The following MUC6 variants were observed in gnomAD, a reference collection of about 807,000 sequenced individuals.
MUC6 encodes mucin-6.
In MUC6, 188 loss-of-function variants were observed where a neutral mutation model predicts 201.5. The ratio of observed to expected loss-of-function variants is 0.93; its 90% confidence interval spans 0.83 to 1.05. The LOEUF is 1.05. MUC6 is among the 50% of genes least tolerant of loss of function. The pLI is 0.00. For synonymous variants in MUC6, 1,228 were observed against 1,389.4 expected (o/e 0.88, Z 2.58); for missense variants, 2,706 against 3,256.9 (o/e 0.83, Z 4.12).
At chr11:1,032,982 G>A (rs1438365941) in intron 2 of MUC6, 31 bp downstream of exon 2, 2 of 1,560,414 alleles carry the variant, frequency 1.3e-6, no homozygotes, top group Admixed American at 3.5e-5. Flanking sequence ...GGTGGTCTGG[G>A]CGGCAGGATC....
intron 4 of MUC6, 43 bp downstream of exon 4, chr11:1,031,564 G>GTGC (rs1564845103): frequency 6.5e-6 from 10 of 1,536,904 alleles, no homozygotes; most frequent in South Asian, 2.4e-5. Flanking sequence ...CTGCCCCCCC[G>GTGC]TGCTGCGGGT....
chr11:1,013,303 C>T lies in MUC6; in HGVS notation c.*153G>A, dbSNP rs541967369. ...CCCTGCTTGGCAGCCCCTCTCCAAC[C>T]GGTGCCCCAGGGAGCCACGGCCCAG... On this transcript the variant is annotated 3_prime_UTR_variant, in exon 33 of 33. Coordinates refer to ENST00000421673, the MANE Select transcript of MUC6 (RefSeq NM_005961.3). 87 of 729,424 alleles carry T rather than the reference C, an allele frequency of 1.2e-4. No individual in the cohort carries two copies. Among genetic ancestry groups the T allele is most frequent in the African/African-American group, 5.4e-4 (30 of 55,978 alleles). The allele number at this position is 729,424 out of a possible 1,614,324, so 45.2% of individuals were successfully genotyped here.
At position 1,015,660 on chromosome 11, in the gene MUC6, C is replaced by T. The variant is rs527777953; in HGVS notation, c.7039+102G>A. ...GAAGGCAGGGAACAGGCGTGTGGTCCTGGGATCACAGGACCATGAGGGGTA... is the reference window on the plus strand; with the variant it reads ...GAAGGCAGGGAACAGGCGTGTGGTCTTGGGATCACAGGACCATGAGGGGTA... On this transcript the variant is annotated intron_variant, in intron 31 of 32. Transcript: ENST00000421673. 46 of 1,471,806 alleles carry T rather than the reference C, an allele frequency of 3.1e-5. No individual in the cohort carries two copies. The African/African-American group carries it at 5.9e-4, about 19-fold the overall frequency. 91.2% of individuals were successfully genotyped at this position (1,471,806 alleles called of 1,614,324 possible).
chr11:1,031,406 A>G, intron 4 of MUC6, 147 bp from the exon 5 acceptor site: 1 of 1,166,858 alleles, frequency 8.6e-7, no homozygotes, highest in Non-Finnish European at 1.2e-6. Context: ...CTAATTTTCC[A>G]GTGGAGAAGC....
chr11:1,029,317 G>C lies in MUC6; in HGVS notation c.1186C>G (p.His396Asp), dbSNP rs769103700. ...WVCTERPCPG[H>D]CSLEGGSFVT... ...AAGGAGCCACCTTCCAGGGAGCAGTGTCCGGGGCACGGCCGCTCCGTGCAC... is the reference window on the plus strand; with the variant it reads ...AAGGAGCCACCTTCCAGGGAGCAGTCTCCGGGGCACGGCCGCTCCGTGCAC... The change falls in exon 10 of 33, where the codon CAC (histidine) becomes GAC (aspartate). Residue 396 changes from histidine (H) to aspartate (D), a missense_variant. By Grantham distance (81) the His-to-Asp change is moderately conservative. Coordinates refer to ENST00000421673, the MANE Select transcript of MUC6 (RefSeq NM_005961.3). 1.1e-5 allele frequency: 17 copies of C among 1,605,958 alleles called. No homozygotes were observed. Among genetic ancestry groups the C allele is most frequent in the Non-Finnish European group, 1.4e-5 (16 of 1,177,332 alleles).
intron 1 of MUC6, among the ~76,000 whole-genome samples, chr11:1,036,044 C>T (rs868827758): frequency 1.1e-4 from 17 of 152,184 alleles, no homozygotes; most frequent in African/African-American, 3.9e-4. Context: ...TAGGGGAGCG[C>T]GGGGGAGAGG....
Position 1,013,036 on chromosome 11 carries a change from A to G in MUC6, c.*420T>C, listed in dbSNP as rs548405456. 1 of 179,886 alleles carries G rather than the reference A, an allele frequency of 5.6e-6. No homozygotes were observed. The highest frequency in any genetic ancestry group is 1.6e-4 in the South Asian group (1 of 6,322). 11.1% of individuals were successfully genotyped at this position (179,886 alleles called of 1,614,324 possible). A position where few individuals can be genotyped will look rare whatever the true frequency, so the allele number is the denominator to read the frequency against. Reference sequence around the variant, plus strand: ...GTGGCTGCCTGGGCCTCTTGCCCCCATCTCGGCACAGGTTTCCGTGCCCTC... The same window carrying G: ...GTGGCTGCCTGGGCCTCTTGCCCCCGTCTCGGCACAGGTTTCCGTGCCCTC... On this transcript the variant is annotated 3_prime_UTR_variant, in exon 33 of 33. Transcript: ENST00000421673.
At position 1,030,774 on chromosome 11, in the gene MUC6, T is replaced by C. The variant is rs2133835035; in HGVS notation, c.691A>G (p.Ile231Val). The change falls in exon 7 of 33, where the codon ATC becomes GTC. Residue 231 changes from isoleucine (I) to valine (V), a missense_variant. By Grantham distance (29) the Ile-to-Val change is conservative. This residue lies in a region of MUC6 where 1,850 missense variants were observed against 1,958.3 expected (regional missense o/e 0.94). Transcript: ENST00000421673. ...THVRQAQHAR[I>V]CTQLLTLVAP... ...ACCAGGGTCAGCAGCTGGGTGCAGA[T>C]CCGGGCCTGGGGGGGCCACTCAGGG... The C allele has an allele frequency of 6.5e-7, 1 of 1,537,016 alleles. No homozygotes were observed. The highest frequency in any genetic ancestry group is 8.7e-7 in the Non-Finnish European group (1 of 1,146,822).
Position 1,031,665 on chromosome 11 carries a change from A to T in MUC6, c.425T>A (p.Val142Glu), listed in dbSNP as rs1050989733. The change falls in exon 4 of 33, where the codon GTG (valine) becomes GAG (glutamate). Residue 142 changes from valine to glutamate, a missense_variant. Val to Glu is a moderately radical substitution (Grantham distance 121). Transcript: ENST00000421673. ...ITPFGQSVRL[V>E]AKQLELELEV... The stretch of plus-strand genomic sequence containing the variant: ...CAGCTCCAGCTCCAGCTGCTTGGCC[A>T]CCAGCCGCACGCTCTGGCCGAAGGG... 2.6e-6 allele frequency: 4 copies of T among 1,550,538 alleles called. No homozygotes were observed. The African/African-American group carries it at 5.5e-5, about 21-fold the overall frequency.
chr11:1,032,260 G>T (rs1179494051), intron 2 of MUC6, among the ~76,000 whole-genome samples: 1 of 152,204 alleles, frequency 6.6e-6, no homozygotes, highest in African/African-American at 2.4e-5. Context: ...GTGCACACAC[G>T]TGTGTGTGGG....
chr11:1,023,773 G>T, intron 25 of MUC6, 121 bp from the exon 26 acceptor site: 1 of 1,473,448 alleles, frequency 6.8e-7, no homozygotes, highest in Non-Finnish European at 9.1e-7. Context: ...GGCCCTCTTG[G>T]TGAAGCCTCC....
At chr11:1,034,627 C>T (rs1707507547) in intron 1 of MUC6, among the ~76,000 whole-genome samples, 2 of 152,216 alleles carry the variant, frequency 1.3e-5, no homozygotes, top group South Asian at 4.1e-4. Context: ...TGCCCCTGGG[C>T]CAGCACCTCT....
rs193204428 is a variant in MUC6, at chr11:1,013,781, C to A, written c.7142+118G>T. ...CCAGGGCGGTGTTGGGCAGATGGAG[C>A]GCAGAGTGGCTCACCTGATGGGGCA... On this transcript the variant is annotated intron_variant, in intron 32 of 32. Coordinates refer to ENST00000421673, the MANE Select transcript of MUC6 (RefSeq NM_005961.3). 124 of 1,382,028 alleles carry A rather than the reference C, an allele frequency of 9.0e-5. 1 individual carries two copies. In the African/African-American group the frequency reaches 1.7e-3, roughly 18 times the overall value. The allele number at this position is 1,382,028 out of a possible 1,614,324, so 85.6% of individuals were successfully genotyped here. A position where few individuals can be genotyped will look rare whatever the true frequency, so the allele number is the denominator to read the frequency against.
intron 29 of MUC6, among the ~76,000 whole-genome samples, chr11:1,019,726 C>T (rs998063016): frequency 2.6e-5 from 4 of 152,166 alleles, no homozygotes; most frequent in African/African-American, 4.8e-5. Context: ...GCTGCTCCTG[C>T]GCCCACCCTT....
chr11:1,020,523 G>C (rs1856782919), intron 28 of MUC6, among the ~76,000 whole-genome samples, 161 bp downstream of exon 28: 1 of 152,166 alleles, frequency 6.6e-6, no homozygotes, highest in Admixed American at 6.5e-5. Context: ...CTGGCTGTGG[G>C]CTGAGCTCCT....
chr11:1,020,042 G>A (rs1856772137), intron 29 of MUC6, 48 bp downstream of exon 29: 1 of 1,595,152 alleles, frequency 6.3e-7, no homozygotes, highest in East Asian at 2.3e-5. Flanking sequence ...GTGTACCTAG[G>A]ACCTCCTGCA....
At chr11:1,035,860 G>A (rs1857204084) in intron 1 of MUC6, among the ~76,000 whole-genome samples, 1 of 152,134 alleles carries the variant, frequency 6.6e-6, no homozygotes, top group Non-Finnish European at 1.5e-5. Flanking sequence ...CTGGTGCCTT[G>A]GTCGGCAAGA....
At chr11:1,027,922 C>T (rs771268933) in intron 15 of MUC6, 43 bp downstream of exon 15, 11 of 1,561,046 alleles carry the variant, frequency 7.0e-6, no homozygotes, top group Non-Finnish European at 9.5e-6. Context: ...TCAGCCACCA[C>T]AGCCTCCCCT....
rs569445490 is a variant in MUC6, at chr11:1,023,825, C to T, written c.3382+122G>A. The T allele has an allele frequency of 2.2e-4, 315 of 1,458,518 alleles. 2 individuals are homozygous for T. The South Asian group carries it at 3.9e-3, about 18-fold the overall frequency. The allele number at this position is 1,458,518 out of a possible 1,614,324, so 90.3% of individuals were successfully genotyped here. A position where few individuals can be genotyped will look rare whatever the true frequency, so the allele number is the denominator to read the frequency against. ...CTGCGGGAGGGCCAGGGTGGCCCCG[C>T]AGGGCACAGCCCGGCGCCTGTCCAG... is the stretch of plus-strand genomic sequence containing the variant. On this transcript the variant is annotated intron_variant, in intron 25 of 32. Coordinates refer to ENST00000421673, the MANE Select transcript of MUC6 (RefSeq NM_005961.3).
Sources: gnomAD v4.1 joint callset for allele counts (sites outside exome capture counted in the v4.1 genomes callset) on GRCh38, gnomAD v4.1.1 for gene constraint, gnomAD v4.1.1 regional missense constraint, MANE v1.5 for transcripts, NCBI Gene and HGNC (gene_info 2026-07-23, HGNC 2026-07-21) for gene names.